Variants in NEO1 observed in about 807,000 individuals in gnomAD.
The protein encoded by NEO1 is neogenin 1, also known as neogenin.
In NEO1, 63 loss-of-function variants were observed where a neutral mutation model predicts 159.7. That is an observed-to-expected ratio of 0.39 (90% CI 0.32 to 0.49). The LOEUF is 0.49. Ranked by LOEUF, NEO1 falls within the 20% of genes least tolerant of loss-of-function variation. NEO1 has a pLI of 0.85. For synonymous variants in NEO1, 633 were observed against 662.0 expected, an observed-to-expected ratio of 0.96 and a Z score of 0.67; for missense variants, 1,615 against 1,831.0, an observed-to-expected ratio of 0.88 and a Z score of 2.15.
At chr15:73,227,817 T>C (rs1405094352) in intron 7 of NEO1, among the ~76,000 whole-genome samples, 1 of 152,188 alleles carries the variant, frequency 6.6e-6, no homozygotes, top group Non-Finnish European at 1.5e-5. Flanking sequence ...TCTTGTTAAG[T>C]AACCAAGCAA....
chr15:73,262,868 A>G (rs532705117), intron 15 of NEO1, among the ~76,000 whole-genome samples: 1 of 152,334 alleles, frequency 6.6e-6, no homozygotes, highest in South Asian at 2.1e-4. Context: ...ATGGAGTACT[A>G]CTCAGCAATT....
chr15:73,084,391 A>T (rs2069238480), intron 1 of NEO1, among the ~76,000 whole-genome samples: 1 of 152,228 alleles, frequency 6.6e-6, no homozygotes, highest in Non-Finnish European at 1.5e-5. Context: ...TTTAAGTGAC[A>T]TCATGCAGTA....
chr15:73,133,292 T>G (rs1276711375), intron 4 of NEO1, among the ~76,000 whole-genome samples: 2 of 152,004 alleles, frequency 1.3e-5, no homozygotes, highest in Non-Finnish European at 2.9e-5. Flanking sequence ...GTGAAATAAC[T>G]CAGGAATGGA....
intron 5 of NEO1, among the ~76,000 whole-genome samples, chr15:73,167,809 G>A (rs1052208500): frequency 1.6e-4 from 25 of 152,192 alleles, no homozygotes; most frequent in East Asian, 3.8e-4. Context: ...GCTTTAGACC[G>A]TAAGACCCAA....
intron 6 of NEO1, 43 bp downstream of exon 6, chr15:73,176,600 AGAT>A: frequency 6.7e-7 from 1 of 1,496,476 alleles, no homozygotes; most frequent in Admixed American, 1.9e-5. Flanking sequence ...TGTAACCTTT[AGAT>A]ATTTTTAAAT....
intron 21 of NEO1, among the ~76,000 whole-genome samples, chr15:73,277,584 C>T (rs1204486094): frequency 1.3e-5 from 2 of 152,100 alleles, no homozygotes; most frequent in Admixed American, 1.3e-4. Context: ...CTGATTTGAA[C>T]TTCCATTTAC....
Position 73,122,182 on chromosome 15 carries a change from A to G in NEO1, c.449-343A>G, listed in dbSNP as rs552914432. ...GTTTCACACATACTTTTATATTTATATAGATATCATATATATTTTTATATC... is the reference window on the plus strand; with the variant it reads ...GTTTCACACATACTTTTATATTTATGTAGATATCATATATATTTTTATATC... On this transcript the variant is annotated intron_variant, in intron 2 of 28. Coordinates refer to ENST00000261908, the MANE Select transcript of NEO1 (RefSeq NM_002499.4). Among the ~76,000 whole-genome samples the G allele has an allele frequency of 1.5e-4, 23 of 149,898 alleles. No homozygotes were observed. The South Asian group carries it at 4.0e-3, about 26-fold the overall frequency.
chr15:73,187,013 G>A (rs1673786279), intron 7 of NEO1, among the ~76,000 whole-genome samples: 1 of 152,174 alleles, frequency 6.6e-6, no homozygotes, highest in African/African-American at 2.4e-5. Flanking sequence ...TTAGAAGTGT[G>A]ACAGAATGGT....
chr15:73,110,165 T>A (rs2070897780), intron 1 of NEO1, among the ~76,000 whole-genome samples: 1 of 152,092 alleles, frequency 6.6e-6, no homozygotes, highest in Non-Finnish European at 1.5e-5. Flanking sequence ...ATGGATGAAA[T>A]GTAGGATTTG....
At position 73,102,671 on chromosome 15, in the gene NEO1, CTG is replaced by C. The variant is rs369375930; in HGVS notation, c.131-13866_131-13865del. Among the ~76,000 whole-genome samples the C allele has an allele frequency of 1.8e-4, 27 of 152,302 alleles. No homozygotes were observed. The East Asian group carries it at 4.4e-3, about 25-fold the overall frequency. ...GCCCTGTTCTCTTGTCCTCTGACCT[CTG>C]TGGCCTTTTCAGGCTTTTCTTTCTC... On this transcript the variant is annotated intron_variant, in intron 1 of 28. Coordinates refer to ENST00000261908, the MANE Select transcript of NEO1 (RefSeq NM_002499.4).
chr15:73,158,586 C>T (rs1443456010), intron 5 of NEO1, among the ~76,000 whole-genome samples: 1 of 152,040 alleles, frequency 6.6e-6, no homozygotes, highest in Non-Finnish European at 1.5e-5. Flanking sequence ...ATGGCGATCT[C>T]ACTTTGTTAC....
chr15:73,197,820 A>G (rs2036624080), intron 7 of NEO1, among the ~76,000 whole-genome samples: 1 of 151,506 alleles, frequency 6.6e-6, no homozygotes, highest in African/African-American at 2.4e-5. Context: ...AGCTAGGATT[A>G]CAGGCACCCA....
rs529860340 is a variant in NEO1, at chr15:73,170,180, G to A, written c.1016-6223G>A. Among the ~76,000 whole-genome samples, 4 of 152,174 alleles carry A rather than the reference G, an allele frequency of 2.6e-5. No homozygotes were observed. The South Asian group carries it at 8.3e-4, about 32-fold the overall frequency. ...AATTGGACTATAATGTACCTAGTGGGATTTACTCTAAGGACACAACTGCAA... is the reference window on the plus strand; with the variant it reads ...AATTGGACTATAATGTACCTAGTGGAATTTACTCTAAGGACACAACTGCAA... On this transcript the variant is annotated intron_variant, in intron 5 of 28. Transcript: ENST00000261908.
intron 23 of NEO1, among the ~76,000 whole-genome samples, chr15:73,286,996 C>T (rs922250054): frequency 3.3e-5 from 5 of 152,302 alleles, no homozygotes; most frequent in South Asian, 2.1e-4. Context: ...AAAGTGTTCT[C>T]CTTACTCTCT....
At chr15:73,246,954 G>C (rs892946738) in intron 9 of NEO1, among the ~76,000 whole-genome samples, 1 of 152,200 alleles carries the variant, frequency 6.6e-6, no homozygotes, top group Admixed American at 6.5e-5. Context: ...GTAAAGATGA[G>C]TAAGACTTGA....
In NEO1 at chr15:73,270,213, C is replaced by A; in HGVS notation, c.2698C>A (p.Pro900Thr). 1 of 1,614,166 alleles carries A rather than the reference C, an allele frequency of 6.2e-7. No homozygotes were observed. Among genetic ancestry groups the A allele is most frequent in the South Asian group, 1.1e-5 (1 of 91,092 alleles). The change falls in exon 17 of 29, where the codon CCA becomes ACA. Residue 900 changes from proline (P) to threonine (T), a missense_variant. Physicochemically the swap from Pro to Thr is conservative, Grantham distance 38. Transcript: ENST00000261908. Reference protein sequence around the residue: ...YYTVRWKTNIPANTKYKNANA... With the variant: ...YYTVRWKTNITANTKYKNANA... ...CACCGTCCGATGGAAAACCAACATC[C>A]CAGCAAACACCAAGTACAAGGTACT...
intron 5 of NEO1, among the ~76,000 whole-genome samples, chr15:73,138,413 A>AATATCTTT: frequency 6.6e-6 from 1 of 152,350 alleles, no homozygotes; most frequent in South Asian, 2.1e-4. Flanking sequence ...TTTGGAATAA[A>AATATCTTT]TACTCAATAA....
intron 2 of NEO1, among the ~76,000 whole-genome samples, chr15:73,120,420 T>C (rs7177629): frequency 0.15 from 22,637 of 150,886 alleles, 2,666 homozygotes; most frequent in African/African-American, 0.32. Context: ...AGAAAAAGTT[T>C]ATTGCAGGGC....
chr15:73,270,900 C>G (rs577025248), intron 18 of NEO1, among the ~76,000 whole-genome samples: 4 of 152,168 alleles, frequency 2.6e-5, no homozygotes, highest in Non-Finnish European at 5.9e-5. Flanking sequence ...TAAGTGGACA[C>G]GAGAGGGAAA....
Sources: allele counts gnomAD v4.1 joint callset (sites outside exome capture counted in the v4.1 genomes callset), GRCh38; gene constraint gnomAD v4.1.1; transcripts MANE v1.5; gene names NCBI Gene and HGNC (gene_info 2026-07-23, HGNC 2026-07-21).